INO80E: variants seen among roughly 807,000 people sequenced by gnomAD.
The protein encoded by INO80E is coiled-coil domain containing 95.
Under a neutral mutation model 27.3 loss-of-function variants are expected in INO80E, and 20 were observed. That is an observed-to-expected ratio of 0.73 (90% confidence interval 0.51 to 1.06). The LOEUF (loss-of-function observed/expected upper bound fraction) is 1.06. Among genes scored for constraint, INO80E ranks in the 50% least tolerant of loss-of-function variants. The pLI is 0.00. For missense variants in INO80E, 357 were observed against 322.8 expected, an observed-to-expected ratio of 1.11 and a Z score of -0.81; for synonymous variants, 167 against 145.9, an observed-to-expected ratio of 1.14 and a Z score of -1.04.
chr16:30,000,697 A>T, intron 3 of INO80E, 61 bp from the exon 4 acceptor site: 1 of 1,407,564 alleles, frequency 7.1e-7, no homozygotes, highest in Non-Finnish European at 1.0e-6. Context: ...AGAGGAGGTT[A>T]TACCTTTCTG....
chr16:29,996,681 C>T (rs376449564), intron 2 of INO80E, 64 bp downstream of exon 2: 1 of 1,585,806 alleles, frequency 6.3e-7, no homozygotes, highest in African/African-American at 1.3e-5. Context: ...CGGACCCCAT[C>T]CCCGAGTAGG....
Position 30,005,308 on chromosome 16 carries a change from A to AGCCCC in INO80E, c.601_602insGCCCC (p.Thr201SerfsTer16). 1.9e-6 allele frequency: 1 copy of AGCCCC among 521,330 alleles called. No homozygotes were observed. The highest frequency in any genetic ancestry group is 3.0e-6 in the Non-Finnish European group (1 of 335,732). The allele number at this position is 521,330 out of a possible 1,614,324, so 32.3% of individuals were successfully genotyped here. ...TGGGGCTGGGGTCGGGACAACCCTG[A>AGCCCC]CCCCCCTCCCACCCCCTAAGATGCC... is the stretch of plus-strand genomic sequence containing the variant. On this transcript the variant is annotated frameshift_variant, in exon 7 of 7. Transcript: ENST00000563197. LOFTEE classifies it high-confidence loss of function.
chr16:29,998,848 G>A (rs182368416), intron 3 of INO80E, among the ~76,000 whole-genome samples: 47 of 152,198 alleles, frequency 3.1e-4, no homozygotes, highest in Admixed American at 7.2e-4. Context: ...GATCGAGACC[G>A]TCCTGGCTAA....
intron 3 of INO80E, 50 bp downstream of exon 3, chr16:29,996,910 G>A (rs2070144505): frequency 6.3e-7 from 1 of 1,580,096 alleles, no homozygotes. Flanking sequence ...CTGGTACTTA[G>A]CAAGCTTCCT....
chr16:29,996,530 C>A lies in INO80E; in HGVS notation c.82-17C>A. The A allele has an allele frequency of 1.3e-6, 2 of 1,558,998 alleles. No homozygotes were observed. The highest frequency in any genetic ancestry group is 1.7e-6 in the Non-Finnish European group (2 of 1,151,234). On this transcript the variant is annotated splice_polypyrimidine_tract_variant and intron_variant, in intron 1 of 6. Transcript: ENST00000563197. ...CGGAGGACCGTTGGCCCAGCGCACC[C>A]CTTGCCCGTGATACAGGAGCACGAG...
At chr16:30,001,177 T>G in intron 5 of INO80E, 137 bp downstream of exon 5, 1 of 1,472,148 alleles carries the variant, frequency 6.8e-7, no homozygotes, top group Non-Finnish European at 9.0e-7. Context: ...CCGTGGAGGG[T>G]GTGAGTCGGG....
chr16:30,005,318 C>CCCCCCCCCCAAA lies in INO80E; in HGVS notation c.611_612insCCCCCCCCCAAA (p.Pro206_Lys207insProLysProPro). ...GTCGGGACAACCCTGACCCCCCTCCCACCCCCTAAGATGCCCCCCCCCACG... is the reference window on the plus strand; with the variant it reads ...GTCGGGACAACCCTGACCCCCCTCCCCCCCCCCCCAAAACCCCCTAAGATGCCCCCCCCCACG... On this transcript the variant is annotated inframe_insertion, in exon 7 of 7. Coordinates refer to ENST00000563197, the MANE Select transcript of INO80E (RefSeq NM_173618.3). 2.0e-6 allele frequency: 2 copies of CCCCCCCCCCAAA among 1,009,754 alleles called. No homozygotes were observed. Among genetic ancestry groups the CCCCCCCCCCAAA allele is most frequent in the Non-Finnish European group, 2.6e-6 (2 of 763,058 alleles). The allele number at this position is 1,009,754 out of a possible 1,614,324, so 62.5% of individuals were successfully genotyped here. A position where few individuals can be genotyped will look rare whatever the true frequency, so the allele number is the denominator to read the frequency against.
chr16:29,998,267 G>A (rs576745415), intron 3 of INO80E, among the ~76,000 whole-genome samples: 1 of 150,362 alleles, frequency 6.7e-6, no homozygotes, highest in Non-Finnish European at 1.5e-5. Context: ...GTCCAGCCTG[G>A]GCAACAGAGC....
chr16:29,996,250 A>T lies in INO80E; in HGVS notation c.-61A>T. ...CTCCGGAAGTGGAGGCGGGAGCGGC[A>T]CGGCAGCCACTGCTTGGGGTAGCGG... On this transcript the variant is annotated 5_prime_UTR_variant, in exon 1 of 7. Coordinates refer to ENST00000563197, the MANE Select transcript of INO80E (RefSeq NM_173618.3). 1 of 1,486,282 alleles carries T rather than the reference A, an allele frequency of 6.7e-7. No individual in the cohort carries two copies. The highest frequency in any genetic ancestry group is 9.2e-7 in the Non-Finnish European group (1 of 1,089,602). 92.1% of individuals were successfully genotyped at this position (1,486,282 alleles called of 1,614,324 possible). A position where few individuals can be genotyped will look rare whatever the true frequency, so the allele number is the denominator to read the frequency against.
chr16:30,001,322 T>C (rs1428828062), intron 5 of INO80E, 92 bp from the exon 6 acceptor site: 2 of 1,507,060 alleles, frequency 1.3e-6, no homozygotes, highest in South Asian at 1.3e-5. Context: ...CCATCTCTTT[T>C]GTTTTTCCAT....
rs1321181563 is a variant in INO80E at position 30,000,975 on chromosome 16, T to C, written c.331T>C (p.Ser111Pro). Residue 111 changes from serine (S) to proline (P), a missense_variant, in exon 5 of 7, where the codon TCC becomes CCC. Ser to Pro is a moderately conservative substitution (Grantham distance 74). Transcript: ENST00000563197. Reference protein sequence around the residue: ...LGGAPSPSSLSLPPSTGFPLQ... With the variant: ...LGGAPSPSSLPLPPSTGFPLQ... ...GGGCGCCCCCTCTCCCTCCAGCCTCTCCCTGCCTCCTTCAACAGGGTTTCC... is the reference window on the plus strand; with the variant it reads ...GGGCGCCCCCTCTCCCTCCAGCCTCCCCCTGCCTCCTTCAACAGGGTTTCC... The C allele has an allele frequency of 4.5e-6, 7 of 1,566,594 alleles. No individual in the cohort carries two copies. The highest frequency in any genetic ancestry group is 6.1e-6 in the Non-Finnish European group (7 of 1,154,388).
rs867507866 is a variant in INO80E, at chr16:30,001,024, C to T, written c.380C>T (p.Ser127Phe). Residue 127 changes from serine to phenylalanine, a missense_variant, in exon 5 of 7, where the codon TCC becomes TTC. Coordinates refer to ENST00000563197, the MANE Select transcript of INO80E (RefSeq NM_173618.3). ...CCCCTTCAGGCCTCCGGGGTCCCCT[C>T]CCCATACCTGAGCTCGGTGAGTTGG... is the stretch of plus-strand genomic sequence containing the variant. ...GFPLQASGVP[S>F]PYLSSLASSR... is the part of the protein sequence containing the mutation. The T allele has an allele frequency of 1.9e-6, 3 of 1,547,260 alleles. No homozygotes were observed. The highest frequency in any genetic ancestry group is 2.8e-5 in the African/African-American group (2 of 72,432).
chr16:30,000,429 G>A (rs2150931227), intron 3 of INO80E, among the ~76,000 whole-genome samples: 1 of 152,290 alleles, frequency 6.6e-6, no homozygotes, highest in South Asian at 2.1e-4. Flanking sequence ...GGCGTGCAGT[G>A]TTAAAATCAC....
Position 30,001,414 on chromosome 16 carries a change from C to T in INO80E, c.397C>T (p.Leu133=). Residue 133 remains leucine, a splice_region_variant and synonymous_variant, in exon 6 of 7, where the codon CTG becomes TTG. Coordinates refer to ENST00000563197, the MANE Select transcript of INO80E (RefSeq NM_173618.3). ...TCTCCATCCCCGCTCCCGCCCGCAGCTGGCCTCCTCCCGCTACCCCCCATT... is the reference window on the plus strand; with the variant it reads ...TCTCCATCCCCGCTCCCGCCCGCAGTTGGCCTCCTCCCGCTACCCCCCATT... The part of the protein sequence containing the change: ...SGVPSPYLSS[L]ASSRYPPFPS... 6.3e-7 allele frequency: 1 copy of T among 1,591,934 alleles called. No homozygotes were observed.
At chr16:30,001,556 A>G (rs1307862636) in intron 6 of INO80E, 26 bp downstream of exon 6, 9 of 1,602,474 alleles carry the variant, frequency 5.6e-6, no homozygotes. Context: ...GGTGCTAGGG[A>G]GGGGCAGGAC....
rs142014750 is a variant in INO80E at position 29,999,103 on chromosome 16, G to A, written c.206-1655G>A. On this transcript the variant is annotated intron_variant, in intron 3 of 6. Coordinates refer to ENST00000563197, the MANE Select transcript of INO80E (RefSeq NM_173618.3). ...GGATTGGCATGTGGCAGCCAGCCACGTTTTAGGACGTAGTGTTTTGTCAGA... is the reference window on the plus strand; with the variant it reads ...GGATTGGCATGTGGCAGCCAGCCACATTTTAGGACGTAGTGTTTTGTCAGA... Among the ~76,000 whole-genome samples the A allele has an allele frequency of 3.9e-3, 595 of 152,142 alleles. 6 individuals carry two copies. Among genetic ancestry groups the A allele is most frequent in the African/African-American group, 0.013 (552 of 41,514 alleles).
chr16:30,004,322 C>G (rs544162859), intron 6 of INO80E: 2 of 152,550 alleles, frequency 1.3e-5, no homozygotes, highest in East Asian at 3.9e-4. Context: ...TGCCCACAGA[C>G]AAAGCACGGG....
Position 30,001,442 on chromosome 16 carries a change from C to T in INO80E, c.425C>T (p.Pro142Leu), listed in dbSNP as rs755767011. 24 of 1,611,588 alleles carry T rather than the reference C, an allele frequency of 1.5e-5. No homozygotes were observed. The highest frequency in any genetic ancestry group is 2.0e-5 in the Non-Finnish European group (23 of 1,178,948). ...GCCTCCTCCCGCTACCCCCCATTCC[C>T]TTCTGACTACCTGGCCCTGCAGCTG... ...SLASSRYPPFPSDYLALQLPE... is the reference protein window; with the variant it reads ...SLASSRYPPFLSDYLALQLPE... Residue 142 changes from proline (P) to leucine (L), a missense_variant, in exon 6 of 7, where the codon CCT (proline) becomes CTT (leucine). Pro to Leu is a moderately conservative substitution (Grantham distance 98). Transcript: ENST00000563197.
chr16:30,000,321 G>A (rs2070300294), intron 3 of INO80E, among the ~76,000 whole-genome samples: 1 of 152,114 alleles, frequency 6.6e-6, no homozygotes, highest in African/African-American at 2.4e-5. Flanking sequence ...GCATGCGTGT[G>A]CCCACCAGCT....
Sources: gnomAD v4.1 joint callset for allele counts (sites outside exome capture counted in the v4.1 genomes callset) on GRCh38, gnomAD v4.1.1 for gene constraint, MANE v1.5 for transcripts, NCBI Gene and HGNC (gene_info 2026-07-23, HGNC 2026-07-21) for gene names.